DMD: variants seen among roughly 807,000 people sequenced by gnomAD.
DMD encodes the protein dystrophin.
DMD carries 63 observed loss-of-function variants against 330.1 expected under a neutral mutation model. That is an observed-to-expected ratio of 0.19 (90% CI 0.16 to 0.24). The LOEUF is 0.24. DMD is among the 10% of genes least tolerant of loss of function. The probability of loss-of-function intolerance (pLI) is 1.00; values close to 1 mark genes in which losing one functional copy is unlikely to be tolerated. For missense variants in DMD, 3,344 were observed against 2,684.1 expected, an observed-to-expected ratio of 1.25 and a Z score of -5.43; for synonymous variants, 1,223 against 959.8, an observed-to-expected ratio of 1.27 and a Z score of -5.07.
chrX:33,080,891 A>G (rs914405712), intron 1 of DMD, among the ~76,000 whole-genome samples: 5 of 110,982 alleles, frequency 4.5e-5, no homozygotes, highest in Non-Finnish European at 7.5e-5. Flanking sequence ...AAAAGTCATC[A>G]AAGTTTCTAT....
At chrX:33,200,262 C>T (rs1009618860) in intron 1 of DMD, among the ~76,000 whole-genome samples, 13 of 109,861 alleles carry the variant, frequency 1.2e-4, no homozygotes, top group African/African-American at 4.3e-4. Flanking sequence ...TTTTTTTTCC[C>T]AACCGTGTTG....
At chrX:32,866,951 G>T (rs1051097590) in intron 2 of DMD, among the ~76,000 whole-genome samples, 5 of 111,279 alleles carry the variant, frequency 4.5e-5, no homozygotes, top group Admixed American at 9.6e-5. Flanking sequence ...GGCCAGGCCA[G>T]TCTCAAACTC....
intron 7 of DMD, among the ~76,000 whole-genome samples, chrX:32,701,612 G>A (rs892592965): frequency 2.7e-5 from 3 of 111,233 alleles, no homozygotes; most frequent in African/African-American, 9.8e-5. Flanking sequence ...TAACTAGTCA[G>A]CTGTACCTGT....
intron 16 of DMD, among the ~76,000 whole-genome samples, chrX:32,554,103 A>T (rs1461455983): frequency 5.3e-5 from 6 of 112,288 alleles, no homozygotes; most frequent in Non-Finnish European, 1.1e-4. Context: ...ACAAAGAGAC[A>T]ATTTATCAGA....
Position 32,303,138 on chromosome X carries a change from C to A in DMD, c.6117+6944G>T, listed in dbSNP as rs1023971973. Among the ~76,000 whole-genome samples, 3 of 111,452 alleles carry A rather than the reference C, an allele frequency of 2.7e-5. No homozygotes were observed. The East Asian group carries it at 8.4e-4, about 31-fold the overall frequency. On this transcript the variant is annotated intron_variant, in intron 42 of 78. Coordinates refer to ENST00000357033, the MANE Select transcript of DMD (RefSeq NM_004006.3). ...AGAACAATTTCTTCATGCTTATATG[C>A]ATATAGATTTGTAGAATGCACATGT...
chrX:32,837,347 A>G (rs981048876), intron 4 of DMD, among the ~76,000 whole-genome samples: 4 of 111,706 alleles, frequency 3.6e-5, no homozygotes, highest in Admixed American at 9.5e-5. Flanking sequence ...AAAACACTGG[A>G]GGATTCTATG....
At chrX:32,557,627 T>C (rs1339349297) in intron 16 of DMD, among the ~76,000 whole-genome samples, 1 of 111,848 alleles carries the variant, frequency 8.9e-6, no homozygotes, top group Non-Finnish European at 1.9e-5. Flanking sequence ...TAGATAATAA[T>C]TGATAGCCAT....
At chrX:32,071,649 A>G (rs1453771924) in intron 44 of DMD, among the ~76,000 whole-genome samples, 1 of 107,286 alleles carries the variant, frequency 9.3e-6, no homozygotes, top group Admixed American at 9.8e-5. Context: ...CCTAAAACTT[A>G]AAGTAGAATA....
Position 32,771,261 on chromosome X carries a change from A to G in DMD, c.649+38232T>C, listed in dbSNP as rs1289651777. The stretch of plus-strand genomic sequence containing the variant: ...ATTTTTTGGAAGGATTAATATTTCT[A>G]TAATTTTGAAGCCATGTGAAAATTA... On this transcript the variant is annotated intron_variant, in intron 7 of 78. Coordinates refer to ENST00000357033, the MANE Select transcript of DMD (RefSeq NM_004006.3). 4.5e-5 allele frequency among the ~76,000 whole-genome samples: 5 copies of G among 112,084 alleles called. 1 individual carries two copies. The Admixed American group carries it at 4.7e-4, about 11-fold the overall frequency.
At chrX:33,046,791 T>C (rs914128107) in intron 1 of DMD, among the ~76,000 whole-genome samples, 2 of 112,479 alleles carry the variant, frequency 1.8e-5, no homozygotes, top group Non-Finnish European at 3.8e-5. Flanking sequence ...CTATCTCACA[T>C]AGCATTCAGT....
intron 3 of DMD, among the ~76,000 whole-genome samples, chrX:32,846,723 T>TAAAA (rs10564725): frequency 0.01 from 553 of 53,511 alleles, 9 homozygotes; most frequent in African/African-American, 0.036. Flanking sequence ...ACTTTAGATT[T>TAAAA]AAAAAAAAAA....
chrX:33,217,416 C>A (rs1035425892), intron 1 of DMD, among the ~76,000 whole-genome samples: 11 of 111,515 alleles, frequency 9.9e-5, no homozygotes, highest in Non-Finnish European at 1.7e-4. Context: ...TCCATTAATA[C>A]AGTATATATC....
chrX:32,593,967 A>C (rs2055229530), intron 13 of DMD, among the ~76,000 whole-genome samples: 1 of 112,224 alleles, frequency 8.9e-6, no homozygotes, highest in Admixed American at 9.4e-5. Flanking sequence ...TAATTATCGG[A>C]GAGCACACTT....
At chrX:31,689,957 AC>A (rs1286652614) in intron 52 of DMD, among the ~76,000 whole-genome samples, 4 of 112,125 alleles carry the variant, frequency 3.6e-5, no homozygotes, top group Non-Finnish European at 7.5e-5. Context: ...TATACCATAT[AC>A]AAAAATTAAT....
chrX:33,125,823 C>T (rs1448236991), intron 1 of DMD, among the ~76,000 whole-genome samples: 1 of 111,359 alleles, frequency 9.0e-6, no homozygotes, highest in Non-Finnish European at 1.9e-5. Context: ...AAGTGCTTAT[C>T]TCATGGATCA....
intron 63 of DMD, among the ~76,000 whole-genome samples, chrX:31,241,125 A>G (rs1218380724): frequency 1.8e-5 from 2 of 111,591 alleles, no homozygotes; most frequent in Non-Finnish European, 3.8e-5. Flanking sequence ...AGTATAATAA[A>G]AGTGCAAGTA....
intron 43 of DMD, among the ~76,000 whole-genome samples, chrX:32,283,867 A>G (rs1397560012): frequency 8.9e-6 from 1 of 111,738 alleles, no homozygotes; most frequent in Admixed American, 9.5e-5. Flanking sequence ...TTTACAGAAA[A>G]AAATATCCAT....
At chrX:32,276,523 A>G (rs1439673077) in intron 43 of DMD, among the ~76,000 whole-genome samples, 1 of 111,781 alleles carries the variant, frequency 8.9e-6, no homozygotes, top group Non-Finnish European at 1.9e-5. Context: ...TCTGTCTTGC[A>G]TCTTGGATAC....
At position 31,156,227 on chromosome X, in the gene DMD, A is replaced by C. The variant is rs770437581; in HGVS notation, c.10554-8709T>G. 2.7e-5 allele frequency among the ~76,000 whole-genome samples: 3 copies of C among 111,713 alleles called. No homozygotes were observed. The East Asian group carries it at 8.4e-4, about 31-fold the overall frequency. Reference sequence around the variant, plus strand: ...TCTTAGCACTGTCCCCCTTTAAAACATTCAGAGCCTTACTTCCAAGCCCTT... The same window carrying C: ...TCTTAGCACTGTCCCCCTTTAAAACCTTCAGAGCCTTACTTCCAAGCCCTT... On this transcript the variant is annotated intron_variant, in intron 74 of 78. Transcript: ENST00000357033.
Sources: allele counts gnomAD v4.1 joint callset (sites outside exome capture counted in the v4.1 genomes callset), GRCh38; gene constraint gnomAD v4.1.1; transcripts MANE v1.5; gene names NCBI Gene and HGNC (gene_info 2026-07-23, HGNC 2026-07-21).